The following SCAI variants were observed in gnomAD, a reference collection of about 807,000 sequenced individuals.
SCAI encodes protein SCAI.
Under a neutral mutation model 92.2 loss-of-function variants are expected in SCAI, and 24 were observed. That is an observed-to-expected ratio of 0.26 (90% CI 0.19 to 0.37). The LOEUF is 0.37. Ranked by LOEUF, SCAI falls within the 10% of genes least tolerant of loss-of-function variation. SCAI has a pLI of 1.00. For synonymous variants in SCAI, 261 were observed against 258.6 expected, an observed-to-expected ratio of 1.01 and a Z score of -0.09; for missense variants, 450 against 736.2, an observed-to-expected ratio of 0.61 and a Z score of 4.50.
intron 2 of SCAI, among the ~76,000 whole-genome samples, chr9:125,089,811 C>T (rs1834395022): frequency 6.6e-6 from 1 of 151,964 alleles, no homozygotes; most frequent in African/African-American, 2.4e-5. Context: ...CTCAAGTGAT[C>T]CTCCCATGGC....
chr9:125,079,571 T>C (rs1834168130), intron 2 of SCAI, among the ~76,000 whole-genome samples: 1 of 151,894 alleles, frequency 6.6e-6, no homozygotes, highest in African/African-American at 2.4e-5. Context: ...TATCTTCATA[T>C]AAAAATGCCT....
intron 2 of SCAI, among the ~76,000 whole-genome samples, chr9:125,132,634 G>A (rs911498553): frequency 4.6e-5 from 7 of 152,064 alleles, no homozygotes; most frequent in African/African-American, 1.2e-4. Context: ...TGTTCTTACC[G>A]TCCCAAACTT....
At chr9:125,038,165 G>A (rs555574572) in intron 3 of SCAI, among the ~76,000 whole-genome samples, 2 of 152,262 alleles carry the variant, frequency 1.3e-5, no homozygotes, top group Non-Finnish European at 2.9e-5. Flanking sequence ...GCTGAGGTGG[G>A]AGGATCAATT....
chr9:125,016,369 C>T (rs1410078009), intron 9 of SCAI, among the ~76,000 whole-genome samples: 4 of 144,400 alleles, frequency 2.8e-5, no homozygotes, highest in Non-Finnish European at 1.5e-5. Flanking sequence ...GCCTAGGAGA[C>T]AGAGCAAGAC....
At chr9:125,072,427 T>G (rs904925514) in intron 2 of SCAI, among the ~76,000 whole-genome samples, 3 of 152,170 alleles carry the variant, frequency 2.0e-5, no homozygotes, top group African/African-American at 7.2e-5. Flanking sequence ...GAAACAGTGT[T>G]TAATAAACTG....
intron 14 of SCAI, among the ~76,000 whole-genome samples, chr9:124,983,129 C>A (rs1387940125): frequency 6.6e-6 from 1 of 150,710 alleles, no homozygotes; most frequent in East Asian, 1.9e-4. Context: ...TCCATGCACT[C>A]CAGCCTGGGT....
intron 3 of SCAI, among the ~76,000 whole-genome samples, chr9:125,031,509 A>G (rs1313213560): frequency 6.6e-6 from 1 of 152,084 alleles, no homozygotes; most frequent in African/African-American, 2.4e-5. Flanking sequence ...TCAGCCTACC[A>G]AAGTGCTGGG....
At chr9:125,122,018 T>C (rs767232447) in intron 2 of SCAI, among the ~76,000 whole-genome samples, 106 of 152,202 alleles carry the variant, frequency 7.0e-4, no homozygotes, top group Non-Finnish European at 5.9e-4. Flanking sequence ...AGGGCATTTA[T>C]ATACAACAGC....
intron 3 of SCAI, among the ~76,000 whole-genome samples, chr9:125,045,169 C>A (rs1210080020): frequency 6.6e-6 from 1 of 152,130 alleles, no homozygotes; most frequent in African/African-American, 2.4e-5. Context: ...AGGTTTCTGG[C>A]TGGAAAAATA....
chr9:125,010,406 C>T (rs902696655), intron 9 of SCAI, among the ~76,000 whole-genome samples: 2 of 152,228 alleles, frequency 1.3e-5, no homozygotes, highest in Admixed American at 6.5e-5. Context: ...GAGGGTCCTA[C>T]ACCCACGGAG....
rs569415187 is a variant in SCAI at position 124,957,767 on chromosome 9, C to T, written c.1675-4814G>A. On this transcript the variant is annotated intron_variant, in intron 17 of 17. Transcript: ENST00000336505. ...CACGACCTCGGCTCACCACAACCTC[C>T]GCCTCCCGGGATCAAGTGATTCTCC... 3.2e-4 allele frequency among the ~76,000 whole-genome samples: 49 copies of T among 151,926 alleles called. 1 individual carries two copies. Among genetic ancestry groups the T allele is most frequent in the Middle Eastern group, 6.8e-3 (2 of 294 alleles).
In SCAI at chr9:125,091,953, TA is replaced by T. The variant is rs1468994561; in HGVS notation, c.99-35947del. Reference sequence around the variant, plus strand: ...GATGAAACCCCGTCTCTACCAAAAATAAAAAAATAAAAATAAAAATAAAAAA... The same window carrying T: ...GATGAAACCCCGTCTCTACCAAAAATAAAAAATAAAAATAAAAATAAAAAA... On this transcript the variant is annotated intron_variant, in intron 2 of 17. Transcript: ENST00000336505. The surrounding 1 kb of genome is among the most constrained non-coding windows in gnomAD (Gnocchi z 4.3). Among the ~76,000 whole-genome samples the T allele has an allele frequency of 6.7e-6, 1 of 150,082 alleles. No individual in the cohort carries two copies. Among genetic ancestry groups the T allele is most frequent in the Non-Finnish European group, 1.5e-5 (1 of 67,562 alleles).
At chr9:125,055,399 C>A (rs987224848) in intron 3 of SCAI, among the ~76,000 whole-genome samples, 1 of 152,132 alleles carries the variant, frequency 6.6e-6, no homozygotes, top group Non-Finnish European at 1.5e-5. Flanking sequence ...CACCCACCCC[C>A]CACCATCACC....
At chr9:124,981,811 A>G (rs1055105724) in intron 14 of SCAI, among the ~76,000 whole-genome samples, 14 of 152,054 alleles carry the variant, frequency 9.2e-5, no homozygotes, top group Admixed American at 6.6e-4. Flanking sequence ...CACCACACTC[A>G]GCTAGTTTTT....
chr9:125,135,469 TG>T (rs1392124779), intron 2 of SCAI, among the ~76,000 whole-genome samples: 1 of 151,378 alleles, frequency 6.6e-6, no homozygotes, highest in Non-Finnish European at 1.5e-5. Flanking sequence ...CTAGCCACCA[TG>T]GGGAAACCCC....
intron 3 of SCAI, among the ~76,000 whole-genome samples, chr9:125,055,641 A>G (rs1833645580): frequency 6.6e-6 from 1 of 152,220 alleles, no homozygotes; most frequent in Non-Finnish European, 1.5e-5. Context: ...ATACAAAACC[A>G]TTTCACAAAA....
chr9:125,060,149 G>A (rs989586019), intron 2 of SCAI, among the ~76,000 whole-genome samples: 1 of 151,824 alleles, frequency 6.6e-6, no homozygotes, highest in South Asian at 2.1e-4. Flanking sequence ...CAAAAGTGTA[G>A]TCATTAGCCT....
At chr9:124,968,627 C>T in intron 17 of SCAI, 1 of 966,284 alleles carries the variant, frequency 1.0e-6, no homozygotes, top group Non-Finnish European at 1.7e-6. Context: ...CCAGTGATTC[C>T]TCCGCTAGTC....
chr9:125,029,287 A>G (rs1417182941), intron 4 of SCAI, among the ~76,000 whole-genome samples: 1 of 151,834 alleles, frequency 6.6e-6, no homozygotes, highest in Non-Finnish European at 1.5e-5. Flanking sequence ...ACACCTGGCT[A>G]ATTTTTGTGT....
Sources: allele counts gnomAD v4.1 joint callset (sites outside exome capture counted in the v4.1 genomes callset), GRCh38; gene constraint gnomAD v4.1.1; non-coding constraint Gnocchi (gnomAD v3.1); transcripts MANE v1.5; gene names NCBI Gene and HGNC (gene_info 2026-07-23, HGNC 2026-07-21).